Variants in ZDHHC15 observed in about 807,000 individuals in gnomAD.
ZDHHC15 encodes the protein zDHHC palmitoyltransferase 15, also known as palmitoyltransferase ZDHHC15.
ZDHHC15 carries 19 observed loss-of-function variants against 31.7 expected under a neutral mutation model. The ratio of observed to expected loss-of-function variants is 0.60; its 90% CI spans 0.42 to 0.88. ZDHHC15 has a LOEUF of 0.88. Ranked by LOEUF, ZDHHC15 falls within the 40% of genes least tolerant of loss-of-function variation. The pLI is 0.00. For synonymous variants in ZDHHC15, 103 were observed against 90.0 expected (o/e 1.14, Z -0.82); for missense variants, 209 against 251.2 (o/e 0.83, Z 1.14).
intron 10 of ZDHHC15, among the ~76,000 whole-genome samples, chrX:75,405,359 C>T (rs991360121): frequency 5.4e-5 from 6 of 110,658 alleles, no homozygotes; most frequent in African/African-American, 2.0e-4. Context: ...GAAACCTTCA[C>T]GTGTACCACC....
intron 2 of ZDHHC15, among the ~76,000 whole-genome samples, chrX:75,487,135 CT>C (rs2084790811): frequency 1.8e-5 from 2 of 112,062 alleles, no homozygotes; most frequent in Admixed American, 1.9e-4. Context: ...AAAACAACAG[CT>C]AATTCCATGT....
intron 2 of ZDHHC15, among the ~76,000 whole-genome samples, chrX:75,481,758 C>T (rs951899362): frequency 1.6e-4 from 18 of 111,476 alleles, no homozygotes; most frequent in African/African-American, 5.5e-4. Flanking sequence ...ATCCAAGTTT[C>T]TTCAGTCCCA....
intron 4 of ZDHHC15, among the ~76,000 whole-genome samples, chrX:75,442,840 G>A (rs1203522830): frequency 2.7e-4 from 29 of 108,187 alleles, no homozygotes; most frequent in Admixed American, 7.9e-4. Context: ...CAAAAAATTA[G>A]CCGGGCACGG....
Position 75,371,168 on chromosome X carries a change from G to C in ZDHHC15, c.*1810C>G, listed in dbSNP as rs902679612. On this transcript the variant is annotated 3_prime_UTR_variant, in exon 12 of 12. Coordinates refer to ENST00000373367, the MANE Select transcript of ZDHHC15 (RefSeq NM_144969.3). ...AAAAAGGTGCATATCTATATGAATA[G>C]AAGACAAGGCTTGTCTGTCATAAAA... is the stretch of plus-strand genomic sequence containing the variant. The C allele has an allele frequency of 8.9e-6, 1 of 111,814 alleles. No homozygotes were observed. Among genetic ancestry groups the C allele is most frequent in the African/African-American group, 3.3e-5 (1 of 30,730 alleles). The allele number at this position is 111,814 out of a possible 1,213,427, so 9.2% of individuals were successfully genotyped here. A position where few individuals can be genotyped will look rare whatever the true frequency, so the allele number is the denominator to read the frequency against.
At chrX:75,456,164 T>G (rs1366882201) in intron 3 of ZDHHC15, among the ~76,000 whole-genome samples, 1 of 111,391 alleles carries the variant, frequency 9.0e-6, no homozygotes, top group African/African-American at 3.3e-5. Context: ...CATGGAATAC[T>G]ATGCAGCCAT....
intron 7 of ZDHHC15, among the ~76,000 whole-genome samples, chrX:75,428,567 AAAAC>A (rs914495042): frequency 2.7e-5 from 3 of 111,196 alleles, no homozygotes; most frequent in Non-Finnish European, 5.7e-5. Context: ...ACAAAGTTAA[AAAAC>A]AAACAAAAAA....
At chrX:75,398,020 C>T (rs2083316346) in intron 10 of ZDHHC15, among the ~76,000 whole-genome samples, 1 of 111,934 alleles carries the variant, frequency 8.9e-6, no homozygotes, top group African/African-American at 3.2e-5. Context: ...AGCTGCAGCT[C>T]CCACAAAGTG....
At chrX:75,488,277 C>G (rs1052725222) in intron 2 of ZDHHC15, among the ~76,000 whole-genome samples, 1 of 111,637 alleles carries the variant, frequency 9.0e-6, no homozygotes, top group Non-Finnish European at 1.9e-5. Context: ...GCAGAAGCAC[C>G]AGGTAAACTA....
At chrX:75,481,830 A>G (rs1201005954) in intron 2 of ZDHHC15, among the ~76,000 whole-genome samples, 1 of 112,141 alleles carries the variant, frequency 8.9e-6, no homozygotes, top group Admixed American at 9.5e-5. Context: ...AAAGCCACCC[A>G]TAAAGGTTAT....
In ZDHHC15 at chrX:75,385,968, A is replaced by G. The variant is rs886846587; in HGVS notation, c.968-6770T>C. On this transcript the variant is annotated intron_variant, in intron 10 of 11. Transcript: ENST00000373367. The stretch of plus-strand genomic sequence containing the variant: ...CCCTTGAGCTGAGACAATATATTGT[A>G]TTGCCTGAACACCCCTTCTGGGTCC... Among the ~76,000 whole-genome samples, 12 of 112,070 alleles carry G rather than the reference A, an allele frequency of 1.1e-4. 1 individual carries two copies. The highest frequency in any genetic ancestry group is 9.5e-4 in the Admixed American group (10 of 10,532).
chrX:75,491,945 T>A lies in ZDHHC15; in HGVS notation c.164-12960A>T, dbSNP rs750430762. Among the ~76,000 whole-genome samples the A allele has an allele frequency of 5.5e-4, 61 of 111,421 alleles. No homozygotes were observed. In the South Asian group the frequency reaches 0.022, roughly 41 times the overall value. On this transcript the variant is annotated intron_variant, in intron 2 of 11. Transcript: ENST00000373367. ...GGATAAAATTCACACATAACAATAT[T>A]AACCTTAAATGTAAATGGGCTAAAT...
At chrX:75,509,510 C>T (rs1407071790) in intron 1 of ZDHHC15, among the ~76,000 whole-genome samples, 1 of 111,647 alleles carries the variant, frequency 9.0e-6, no homozygotes, top group Non-Finnish European at 1.9e-5. Flanking sequence ...TGAAAATATC[C>T]AGTGAGATAA....
At chrX:75,377,332 AC>A (rs1363695511) in intron 11 of ZDHHC15, among the ~76,000 whole-genome samples, 1 of 109,484 alleles carries the variant, frequency 9.1e-6, no homozygotes, top group African/African-American at 3.3e-5. Context: ...CCCCATCTCT[AC>A]CAAAAATACA....
At chrX:75,421,411 A>ATTATATATATAAT (rs1491488470) in intron 9 of ZDHHC15, among the ~76,000 whole-genome samples, 4 of 26,053 alleles carry the variant, frequency 1.5e-4, no homozygotes, top group East Asian at 1.6e-3. Flanking sequence ...ATATATATAT[A>ATTATATATATAAT]ATATATATAT....
intron 1 of ZDHHC15, among the ~76,000 whole-genome samples, chrX:75,514,164 G>A (rs1026144950): frequency 8.9e-6 from 1 of 112,376 alleles, no homozygotes; most frequent in Non-Finnish European, 1.9e-5. Flanking sequence ...TGTAACCCAC[G>A]CTATACAAAA....
chrX:75,447,398 A>T (rs963899499), intron 4 of ZDHHC15, among the ~76,000 whole-genome samples: 1 of 112,511 alleles, frequency 8.9e-6, no homozygotes, highest in African/African-American at 3.2e-5. Context: ...ACAGCATTAC[A>T]TCTGATCAAG....
chrX:75,403,196 T>C (rs5937375), intron 10 of ZDHHC15, among the ~76,000 whole-genome samples: 2,353 of 112,034 alleles, frequency 0.021, 38 homozygotes, highest in South Asian at 0.13. Flanking sequence ...CATCCCTTCA[T>C]GTTAAAATAA....
At chrX:75,446,473 C>G (rs999166743) in intron 4 of ZDHHC15, among the ~76,000 whole-genome samples, 1 of 111,648 alleles carries the variant, frequency 9.0e-6, no homozygotes, top group African/African-American at 3.3e-5. Context: ...GTAAAGAGAG[C>G]CCTGGTACAA....
At chrX:75,436,818 G>A (rs1356454502) in intron 4 of ZDHHC15, among the ~76,000 whole-genome samples, 1 of 112,640 alleles carries the variant, frequency 8.9e-6, no homozygotes. Context: ...TGCAGTAGTT[G>A]GGTAGAATGT....
Sources: allele counts gnomAD v4.1 joint callset (sites outside exome capture counted in the v4.1 genomes callset), GRCh38; gene constraint gnomAD v4.1.1; transcripts MANE v1.5; gene names NCBI Gene and HGNC (gene_info 2026-07-23, HGNC 2026-07-21).